MMP26: variants seen among roughly 807,000 people sequenced by gnomAD.
MMP26 encodes matrix metallopeptidase 26.
A neutral mutation model predicts 31.0 loss-of-function variants in MMP26; 33 were observed. That is an observed-to-expected ratio of 1.06 (90% confidence interval 0.81 to 1.42). The LOEUF (loss-of-function observed/expected upper bound fraction) is 1.42, where lower values mean the gene tolerates loss of function less well. Ranked by LOEUF, MMP26 falls within the 40% of genes most tolerant of loss-of-function variation. MMP26 has a pLI of 0.00. For missense variants in MMP26, 347 were observed against 316.1 expected, an observed-to-expected ratio of 1.10 and a Z score of -0.74; for synonymous variants, 122 against 114.9, an observed-to-expected ratio of 1.06 and a Z score of -0.40.
intron 1 of MMP26, among the ~76,000 whole-genome samples, chr11:4,730,493 C>T (rs1848160450): frequency 6.6e-6 from 1 of 151,636 alleles, no homozygotes; most frequent in South Asian, 2.1e-4. Context: ...GCCCTATTTG[C>T]TGCTGCTTTG....
intron 2 of MMP26, among the ~76,000 whole-genome samples, chr11:4,845,137 A>T (rs981513662): frequency 4.6e-5 from 7 of 152,142 alleles, no homozygotes; most frequent in African/African-American, 1.7e-4. Flanking sequence ...AAAAGAAATT[A>T]AAAAGTAATC....
chr11:4,823,156 G>A (rs185041498), intron 2 of MMP26, among the ~76,000 whole-genome samples: 29 of 151,254 alleles, frequency 1.9e-4, no homozygotes, highest in East Asian at 3.9e-4. Context: ...TGATATCAAC[G>A]TATAGATACT....
Position 4,992,397 on chromosome 11 carries a change from C to T in MMP26, c.*155C>T. The T allele has an allele frequency of 1.5e-6, 1 of 654,488 alleles. No individual in the cohort carries two copies. The highest frequency in any genetic ancestry group is 2.7e-6 in the Non-Finnish European group (1 of 373,316). The allele number at this position is 654,488 out of a possible 1,614,324, so 40.5% of individuals were successfully genotyped here. A position where few individuals can be genotyped will look rare whatever the true frequency, so the allele number is the denominator to read the frequency against. On this transcript the variant is annotated 3_prime_UTR_variant, in exon 8 of 8. Transcript: ENST00000380390. ...AGCTGAACCGACACTCAAAACGCTA[C>T]TGAGTCACAATAAAGATTGTTTTAA...
At chr11:4,788,348 A>G (rs1218289101) in intron 2 of MMP26, among the ~76,000 whole-genome samples, 2 of 151,818 alleles carry the variant, frequency 1.3e-5, no homozygotes, top group Non-Finnish European at 2.9e-5. Flanking sequence ...CTGTGACATG[A>G]GAACCGTAGA....
chr11:4,732,774 T>C (rs1488283120), intron 1 of MMP26, among the ~76,000 whole-genome samples: 1 of 152,254 alleles, frequency 6.6e-6, no homozygotes, highest in African/African-American at 2.4e-5. Flanking sequence ...GGTTTATACA[T>C]TGTGTGGCAA....
At chr11:4,758,421 A>C (rs769954214) in intron 1 of MMP26, among the ~76,000 whole-genome samples, 22 of 150,354 alleles carry the variant, frequency 1.5e-4, no homozygotes, top group Admixed American at 2.7e-4. Context: ...AAATAAAGTG[A>C]GCTATATAGA....
chr11:4,780,502 T>C (rs4910679), intron 2 of MMP26, among the ~76,000 whole-genome samples: 14,432 of 152,242 alleles, frequency 0.095, 856 homozygotes, highest in Middle Eastern at 0.15. Flanking sequence ...TTTAATCTGT[T>C]TTTTTCTCAA....
intron 2 of MMP26, among the ~76,000 whole-genome samples, chr11:4,778,094 A>G (rs150224521): frequency 2.3e-3 from 346 of 152,226 alleles, no homozygotes; most frequent in African/African-American, 8.0e-3. Context: ...AGTGCATGGC[A>G]GTTCAAATCA....
chr11:4,957,674 C>G (rs75354296), intron 2 of MMP26, among the ~76,000 whole-genome samples: 8 of 151,848 alleles, frequency 5.3e-5, no homozygotes, highest in Non-Finnish European at 1.0e-4. Flanking sequence ...ATCACACACA[C>G]TTCTGTTTTT....
intron 1 of MMP26, among the ~76,000 whole-genome samples, chr11:4,764,524 A>T (rs1426999657): frequency 6.6e-6 from 1 of 152,204 alleles, no homozygotes; most frequent in Non-Finnish European, 1.5e-5. Context: ...CTCTCTTAGG[A>T]TGATTTTTAA....
intron 2 of MMP26, among the ~76,000 whole-genome samples, chr11:4,987,187 G>A (rs540502918): frequency 2.6e-5 from 4 of 151,242 alleles, no homozygotes; most frequent in African/African-American, 7.3e-5. Context: ...CAGCCGAGTC[G>A]TGTGATTTCT....
chr11:4,803,717 C>A (rs200440576), intron 2 of MMP26: 7 of 1,613,686 alleles, frequency 4.3e-6, no homozygotes, highest in Non-Finnish European at 5.9e-6. Context: ...AAAATCATCA[C>A]GTATGACATA....
intron 2 of MMP26, chr11:4,923,501 T>A (rs751458815): frequency 1.2e-6 from 2 of 1,614,088 alleles, no homozygotes; most frequent in Non-Finnish European, 1.7e-6. Flanking sequence ...CAGATACACA[T>A]AGGACATGAA....
At chr11:4,778,646 G>A (rs1848820008) in intron 2 of MMP26, among the ~76,000 whole-genome samples, 1 of 151,914 alleles carries the variant, frequency 6.6e-6, no homozygotes, top group Non-Finnish European at 1.5e-5. Context: ...AACCACTGTA[G>A]GAAAACCTGC....
chr11:4,976,469 T>G (rs1369873650), intron 2 of MMP26, among the ~76,000 whole-genome samples: 1 of 152,030 alleles, frequency 6.6e-6, no homozygotes, highest in Non-Finnish European at 1.5e-5. Context: ...GACTTGCAAT[T>G]AGAACATCAG....
At chr11:4,755,183 A>C (rs1385638538) in intron 1 of MMP26, among the ~76,000 whole-genome samples, 1 of 151,730 alleles carries the variant, frequency 6.6e-6, no homozygotes, top group Non-Finnish European at 1.5e-5. Context: ...AATCGGCACT[A>C]TCTGAAAGAG....
At chr11:4,924,027 A>G (rs767615298) in intron 2 of MMP26, 1 of 1,614,156 alleles carries the variant, frequency 6.2e-7, no homozygotes, top group East Asian at 2.2e-5. Context: ...GTGTGGATGA[A>G]GAAGAGCTGA....
intron 1 of MMP26, among the ~76,000 whole-genome samples, chr11:4,725,462 T>A (rs1023237384): frequency 2.0e-5 from 3 of 152,172 alleles, no homozygotes; most frequent in African/African-American, 4.8e-5. Flanking sequence ...GCAAATGGTG[T>A]CTTTGCAAGA....
chr11:4,726,430 C>T (rs922355007), intron 1 of MMP26, among the ~76,000 whole-genome samples: 2 of 151,838 alleles, frequency 1.3e-5, no homozygotes, highest in African/African-American at 4.8e-5. Flanking sequence ...CCACCGCACT[C>T]CAGCCTGGGA....
Sources: gnomAD v4.1 joint callset for allele counts (sites outside exome capture counted in the v4.1 genomes callset) on GRCh38, gnomAD v4.1.1 for gene constraint, MANE v1.5 for transcripts, NCBI Gene and HGNC (gene_info 2026-07-23, HGNC 2026-07-21) for gene names.